The following MAML3 variants were observed in gnomAD, a reference collection of about 807,000 sequenced individuals.
MAML3 encodes mastermind like transcriptional coactivator 3.
Under a neutral mutation model 101.9 loss-of-function variants are expected in MAML3, and 27 were observed. That is an observed-to-expected ratio of 0.27 (90% CI 0.20 to 0.37). The LOEUF (loss-of-function observed/expected upper bound fraction) is 0.37. MAML3 is among the 10% of genes least tolerant of loss of function. The pLI, the probability that MAML3 is intolerant of heterozygous loss-of-function variation, is 1.00. For synonymous variants in MAML3, 501 were observed against 555.9 expected (o/e 0.90, Z 1.39); for missense variants, 1,316 against 1,444.9 (o/e 0.91, Z 1.45).
At chr4:140,092,373 TCAA>T (rs1432209880) in intron 1 of MAML3, among the ~76,000 whole-genome samples, 1 of 151,990 alleles carries the variant, frequency 6.6e-6, no homozygotes, top group Admixed American at 6.5e-5. Context: ...GGGAAGATCA[TCAA>T]CAAGGCAATC....
At chr4:139,963,154 C>CA (rs1040173970) in intron 1 of MAML3, among the ~76,000 whole-genome samples, 2 of 152,146 alleles carry the variant, frequency 1.3e-5, no homozygotes, top group African/African-American at 4.8e-5. Context: ...TGCAGTGGAT[C>CA]ATCCCTGTAG....
intron 1 of MAML3, among the ~76,000 whole-genome samples, chr4:140,061,717 G>A (rs1727450505): frequency 6.6e-6 from 1 of 152,196 alleles, no homozygotes; most frequent in Admixed American, 6.5e-5. Context: ...TCTCTCAGAA[G>A]CGGTCACCTT....
At chr4:139,870,416 C>G (rs1244194351) in intron 2 of MAML3, among the ~76,000 whole-genome samples, 1 of 152,208 alleles carries the variant, frequency 6.6e-6, no homozygotes, top group East Asian at 1.9e-4. Context: ...TGCTTTAGAT[C>G]AATCCAAGTT....
intron 1 of MAML3, among the ~76,000 whole-genome samples, chr4:139,925,877 A>C (rs938328530): frequency 1.3e-5 from 2 of 152,222 alleles, no homozygotes; most frequent in Non-Finnish European, 2.9e-5. Context: ...GTGTCAGTCC[A>C]TTCACCTTGG....
At chr4:139,977,904 A>C (rs936251151) in intron 1 of MAML3, among the ~76,000 whole-genome samples, 19 of 152,024 alleles carry the variant, frequency 1.2e-4, no homozygotes, top group Admixed American at 1.2e-3. Flanking sequence ...CAAAAAAAAA[A>C]CAAAAAAAGG....
intron 1 of MAML3, among the ~76,000 whole-genome samples, chr4:139,984,859 T>C (rs760522466): frequency 2.0e-5 from 3 of 152,196 alleles, no homozygotes; most frequent in Non-Finnish European, 2.9e-5. Context: ...CATTACAAAA[T>C]ACCTTCACAG....
At chr4:140,046,851 A>G (rs996665879) in intron 1 of MAML3, among the ~76,000 whole-genome samples, 2 of 152,058 alleles carry the variant, frequency 1.3e-5, no homozygotes, top group Non-Finnish European at 2.9e-5. Flanking sequence ...AATGCAGTCT[A>G]TATATATTAT....
chr4:140,088,096 G>C (rs543973146), intron 1 of MAML3, among the ~76,000 whole-genome samples: 106 of 152,194 alleles, frequency 7.0e-4, no homozygotes, highest in Middle Eastern at 3.4e-3. Flanking sequence ...CGGGCATAGC[G>C]GTGCACACCT....
intron 1 of MAML3, among the ~76,000 whole-genome samples, chr4:139,927,744 G>T (rs62344954): frequency 2.0e-5 from 3 of 152,154 alleles, no homozygotes; most frequent in African/African-American, 7.2e-5. Context: ...TTGGCCATGG[G>T]AACACATTTA....
At chr4:139,802,497 T>A (rs1730627106) in intron 2 of MAML3, among the ~76,000 whole-genome samples, 1 of 152,184 alleles carries the variant, frequency 6.6e-6, no homozygotes, top group South Asian at 2.1e-4. Flanking sequence ...TCACTCAATC[T>A]CTGAATACTT....
chr4:139,956,219 A>C (rs1018698528), intron 1 of MAML3, among the ~76,000 whole-genome samples: 3 of 152,234 alleles, frequency 2.0e-5, no homozygotes, highest in African/African-American at 7.2e-5. Flanking sequence ...TGAGAGGATC[A>C]AATGAGTTTT....
chr4:139,788,788 G>A (rs947034598), intron 2 of MAML3, among the ~76,000 whole-genome samples: 1 of 152,216 alleles, frequency 6.6e-6, no homozygotes, highest in Non-Finnish European at 1.5e-5. Context: ...GAATTCTTAT[G>A]TGATGGCTGG....
Position 139,737,428 on chromosome 4 carries a change from G to A in MAML3, c.2080-6761C>T, listed in dbSNP as rs187592922. 4.6e-5 allele frequency among the ~76,000 whole-genome samples: 7 copies of A among 151,990 alleles called. No individual in the cohort carries two copies. In the East Asian group the frequency reaches 5.8e-4, roughly 13 times the overall value. On this transcript the variant is annotated intron_variant, in intron 2 of 4. Transcript: ENST00000509479. The stretch of plus-strand genomic sequence containing the variant: ...AACATGCATCTGGTCTAAATTGAGC[G>A]GACCACCCAGGAGGATGTTGGAATA...
intron 1 of MAML3, among the ~76,000 whole-genome samples, chr4:140,130,506 T>C (rs947353704): frequency 4.8e-4 from 73 of 152,374 alleles, no homozygotes; most frequent in African/African-American, 1.7e-3. Context: ...CTGCAGCTTA[T>C]ACAATGATTT....
intron 1 of MAML3, among the ~76,000 whole-genome samples, chr4:139,931,935 C>T (rs1276354544): frequency 6.6e-6 from 1 of 151,872 alleles, no homozygotes; most frequent in Non-Finnish European, 1.5e-5. Context: ...AGGAGAATTG[C>T]TTGAACCTGG....
intron 2 of MAML3, among the ~76,000 whole-genome samples, chr4:139,733,558 A>G (rs1447594154): frequency 1.1e-4 from 3 of 27,022 alleles, no homozygotes; most frequent in African/African-American, 5.4e-4. Flanking sequence ...GCACAGTGTG[A>G]AAAAAAAAAA....
intron 1 of MAML3, among the ~76,000 whole-genome samples, chr4:140,137,642 T>C (rs2111049608): frequency 6.6e-6 from 1 of 152,362 alleles, no homozygotes; most frequent in Non-Finnish European, 1.5e-5. Context: ...GTATGCACTA[T>C]CTTTGTTAAT....
intron 1 of MAML3, among the ~76,000 whole-genome samples, chr4:140,017,530 A>C (rs968994519): frequency 6.6e-6 from 1 of 152,128 alleles, no homozygotes; most frequent in Non-Finnish European, 1.5e-5. Context: ...AAATAACCAA[A>C]ACCTATAAAA....
intron 1 of MAML3, among the ~76,000 whole-genome samples, chr4:139,891,771 T>C (rs1732504854): frequency 6.6e-6 from 1 of 152,252 alleles, no homozygotes. Flanking sequence ...TAATGTTTAA[T>C]GCAATCCCAA....
Sources: gnomAD v4.1 joint callset for allele counts (sites outside exome capture counted in the v4.1 genomes callset) on GRCh38, gnomAD v4.1.1 for gene constraint, MANE v1.5 for transcripts, NCBI Gene and HGNC (gene_info 2026-07-23, HGNC 2026-07-21) for gene names.